The following PTPRK variants were observed in gnomAD, a reference collection of about 807,000 sequenced individuals.
PTPRK encodes receptor-type tyrosine-protein phosphatase kappa.
PTPRK carries 75 observed loss-of-function variants against 178.0 expected under a neutral mutation model. That is an observed-to-expected ratio of 0.42 (90% CI 0.35 to 0.51). The LOEUF (loss-of-function observed/expected upper bound fraction) is 0.51, where lower values mean the gene tolerates loss of function less well. PTPRK is among the 20% of genes least tolerant of loss of function. The pLI, the probability that PTPRK is intolerant of heterozygous loss-of-function variation, is 0.02. For synonymous variants in PTPRK, 637 were observed against 620.6 expected, an observed-to-expected ratio of 1.03 and a Z score of -0.39; for missense variants, 1,441 against 1,797.8, an observed-to-expected ratio of 0.80 and a Z score of 3.59.
chr6:127,996,297 C>G (rs1017623300), intron 17 of PTPRK, among the ~76,000 whole-genome samples: 1 of 152,086 alleles, frequency 6.6e-6, no homozygotes, highest in Non-Finnish European at 1.5e-5. Flanking sequence ...CTGAAAAGAT[C>G]TTACTTTTTC....
In PTPRK at chr6:128,061,611, G is replaced by C. The variant is rs771670591; in HGVS notation, c.2194+3147C>G. On this transcript the variant is annotated intron_variant, in intron 13 of 29. Coordinates refer to ENST00000368226, the MANE Select transcript of PTPRK (RefSeq NM_002844.4). ...GCTGAAACACAAGACTTGCCCATAG[G>C]AGTCATCCAGGACCAAGAAAGGTCC... Among the ~76,000 whole-genome samples the C allele has an allele frequency of 9.9e-5, 15 of 152,172 alleles. No homozygotes were observed. In the East Asian group the frequency reaches 2.5e-3, roughly 26 times the overall value.
intron 22 of PTPRK, 90 bp downstream of exon 22, chr6:127,985,631 A>G: frequency 7.3e-7 from 1 of 1,364,718 alleles, no homozygotes; most frequent in Non-Finnish European, 9.9e-7. Flanking sequence ...CTTCGTAAGC[A>G]CACATTAGTT....
intron 3 of PTPRK, among the ~76,000 whole-genome samples, chr6:128,284,320 T>G (rs1382627397): frequency 4.6e-5 from 7 of 152,198 alleles, no homozygotes; most frequent in African/African-American, 1.7e-4. Context: ...TATGTAGATT[T>G]GATTTCCACC....
intron 2 of PTPRK, among the ~76,000 whole-genome samples, chr6:128,389,667 G>T (rs1261848881): frequency 5.9e-5 from 9 of 151,852 alleles, no homozygotes; most frequent in Admixed American, 5.9e-4. Context: ...CTTTGAAATT[G>T]CTGTGTGTTC....
intron 7 of PTPRK, among the ~76,000 whole-genome samples, chr6:128,147,647 G>C (rs534418147): frequency 6.6e-6 from 1 of 152,236 alleles, no homozygotes; most frequent in African/African-American, 2.4e-5. Context: ...TGATGTGAGG[G>C]TTGGCCACAG....
At chr6:128,214,841 C>T (rs1400308176) in intron 6 of PTPRK, among the ~76,000 whole-genome samples, 1 of 152,042 alleles carries the variant, frequency 6.6e-6, no homozygotes, top group Non-Finnish European at 1.5e-5. Flanking sequence ...AACGGAATGA[C>T]ATCTGTTTGA....
chr6:128,301,741 C>T (rs961677546), intron 3 of PTPRK, among the ~76,000 whole-genome samples: 2 of 152,080 alleles, frequency 1.3e-5, no homozygotes, highest in African/African-American at 2.4e-5. Context: ...TCTGAATATA[C>T]ACACTGTTTG....
chr6:128,092,342 T>C (rs1582966460), intron 7 of PTPRK, among the ~76,000 whole-genome samples: 1 of 152,148 alleles, frequency 6.6e-6, no homozygotes, highest in Non-Finnish European at 1.5e-5. Flanking sequence ...CTCAGAAACA[T>C]ATGAACAACC....
At chr6:128,308,106 C>T (rs1176576173) in intron 3 of PTPRK, among the ~76,000 whole-genome samples, 1 of 151,380 alleles carries the variant, frequency 6.6e-6, no homozygotes, top group African/African-American at 2.4e-5. Context: ...AAATGATTAC[C>T]ACTACATAAA....
At chr6:128,192,962 G>A (rs1804105423) in intron 6 of PTPRK, among the ~76,000 whole-genome samples, 1 of 147,048 alleles carries the variant, frequency 6.8e-6, no homozygotes, top group African/African-American at 2.5e-5. Flanking sequence ...AGGAAGGAAG[G>A]AAAAAACTAC....
At chr6:128,221,461 T>C (rs1583550402) in intron 5 of PTPRK, among the ~76,000 whole-genome samples, 2 of 151,574 alleles carry the variant, frequency 1.3e-5, no homozygotes, top group South Asian at 2.1e-4. Flanking sequence ...GAGGTGGAGT[T>C]TGCAGTGAGC....
At chr6:128,449,791 T>C (rs1847520416) in intron 1 of PTPRK, among the ~76,000 whole-genome samples, 1 of 152,002 alleles carries the variant, frequency 6.6e-6, no homozygotes, top group African/African-American at 2.4e-5. Context: ...AGTACAAAAA[T>C]CAGACAAAGA....
chr6:128,081,182 G>A (rs920351111), intron 10 of PTPRK, among the ~76,000 whole-genome samples: 2 of 151,942 alleles, frequency 1.3e-5, no homozygotes, highest in African/African-American at 2.4e-5. Context: ...TCAGTGCATC[G>A]TAACATCACC....
chr6:128,016,000 C>T (rs1473952000), intron 13 of PTPRK, among the ~76,000 whole-genome samples: 1 of 151,670 alleles, frequency 6.6e-6, no homozygotes. Flanking sequence ...TTTTGAGATA[C>T]CTGAAATATC....
intron 13 of PTPRK, among the ~76,000 whole-genome samples, chr6:128,038,137 C>T (rs997247464): frequency 1.4e-4 from 21 of 152,148 alleles, no homozygotes; most frequent in Non-Finnish European, 2.2e-4. Context: ...ACTGGTAATA[C>T]GCATATTTAT....
intron 2 of PTPRK, among the ~76,000 whole-genome samples, chr6:128,364,634 CAG>C (rs1562363793): frequency 6.6e-6 from 1 of 151,906 alleles, no homozygotes; most frequent in Non-Finnish European, 1.5e-5. Context: ...ATTAAACAGA[CAG>C]ATAAATAAAT....
intron 6 of PTPRK, among the ~76,000 whole-genome samples, chr6:128,189,564 G>A (rs998420353): frequency 1.3e-5 from 2 of 151,840 alleles, no homozygotes; most frequent in African/African-American, 4.8e-5. Flanking sequence ...ACTATTTTTT[G>A]TAAAAGGGAA....
chr6:128,370,224 C>T (rs1836078677), intron 2 of PTPRK, among the ~76,000 whole-genome samples: 2 of 152,096 alleles, frequency 1.3e-5, no homozygotes, highest in African/African-American at 4.8e-5. Context: ...ACCCACAGAG[C>T]TTAATGTACT....
chr6:128,219,076 T>C lies in PTPRK; in HGVS notation c.714A>G (p.Ile238Met), dbSNP rs753217686. The change falls in exon 6 of 30, where the codon ATA becomes ATG. Residue 238 changes from isoleucine (I) to methionine (M), a missense_variant. Ile to Met is a conservative substitution (Grantham distance 10, BLOSUM62 1). Coordinates refer to ENST00000368226, the MANE Select transcript of PTPRK (RefSeq NM_002844.4). ...TGATGTTCTTAGTCTGGGCTACTGG[T>C]ATATCTTCTCCATTTCGTCTCTGCA... ...LWLQRRNGED[I>M]PVAQTKNINH... 1 of 1,613,524 alleles carries C rather than the reference T, an allele frequency of 6.2e-7. No individual in the cohort carries two copies. The highest frequency in any genetic ancestry group is 1.1e-5 in the South Asian group (1 of 90,964).
Sources: allele counts gnomAD v4.1 joint callset (sites outside exome capture counted in the v4.1 genomes callset), GRCh38; gene constraint gnomAD v4.1.1; transcripts MANE v1.5; gene names NCBI Gene and HGNC (gene_info 2026-07-23, HGNC 2026-07-21).